CIITA: variants seen among roughly 807,000 people sequenced by gnomAD.
CIITA encodes class II major histocompatibility complex transactivator.
Under a neutral mutation model 115.1 loss-of-function variants are expected in CIITA, and 72 were observed. The observed-to-expected ratio is 0.63, with a 90% CI of 0.52 to 0.76. The LOEUF is 0.76. CIITA is among the 30% of genes least tolerant of loss of function. The pLI is 0.00. For synonymous variants in CIITA, 763 were observed against 635.6 expected, an observed-to-expected ratio of 1.20 and a Z score of -3.02; for missense variants, 1,617 against 1,463.8, an observed-to-expected ratio of 1.10 and a Z score of -1.71.
intron 10 of CIITA, 121 bp from the exon 11 acceptor site, chr16:10,906,378 C>G: frequency 8.0e-7 from 1 of 1,247,198 alleles, no homozygotes; most frequent in South Asian, 1.3e-5. Flanking sequence ...ACAAAACAAA[C>G]AAACAAAAAA....
intron 16 of CIITA, among the ~76,000 whole-genome samples, chr16:10,919,967 A>G (rs1376780730): frequency 6.6e-6 from 1 of 152,152 alleles, no homozygotes; most frequent in East Asian, 1.9e-4. Context: ...TTCCGTGGGA[A>G]GCTCTAGGGG....
chr16:10,916,345 C>A (rs751053541), intron 14 of CIITA, 22 bp from the exon 15 acceptor site: 6 of 1,610,978 alleles, frequency 3.7e-6, no homozygotes, highest in Admixed American at 1.7e-5. Flanking sequence ...AGCTGATGGC[C>A]CCCATCTGAT....
rs916121573 is a variant in CIITA at position 10,927,932 on chromosome 16, G to A, written c.*4077G>A. 6.6e-6 allele frequency: 1 copy of A among 152,202 alleles called. No homozygotes were observed. Among genetic ancestry groups the A allele is most frequent in the African/African-American group, 2.4e-5 (1 of 41,444 alleles). 9.4% of individuals were successfully genotyped at this position (152,202 alleles called of 1,614,324 possible). ...TCAGGGCATGATAGTGCAATTCCAT[G>A]TCCAGTGGATTGTAAGTCCACGCAC... On this transcript the variant is annotated 3_prime_UTR_variant, in exon 20 of 20. Coordinates refer to ENST00000324288, the MANE Select transcript of CIITA (RefSeq NM_000246.4).
chr16:10,902,171 C>G lies in CIITA; in HGVS notation c.615C>G (p.Thr205=). ...CCGGCCAGATGCGCCTGGAGAAAAC[C>G]GACCAGATTCCCAGTATGTTAGGGG... ...PASGQMRLEK[T]DQIPMPFSSS... The change falls in exon 7 of 20, where the codon ACC becomes ACG. Residue 205 remains threonine, a synonymous_variant. Coordinates refer to ENST00000324288, the MANE Select transcript of CIITA (RefSeq NM_000246.4). 6.2e-7 allele frequency: 1 copy of G among 1,614,122 alleles called. No individual in the cohort carries two copies. Among genetic ancestry groups the G allele is most frequent in the Non-Finnish European group, 8.5e-7 (1 of 1,180,020 alleles).
At chr16:10,893,317 G>A (rs1362835210) in intron 1 of CIITA, among the ~76,000 whole-genome samples, 2 of 152,080 alleles carry the variant, frequency 1.3e-5, no homozygotes, top group Non-Finnish European at 2.9e-5. Context: ...TGGAAACATG[G>A]ACCTGAACCA....
intron 15 of CIITA, chr16:10,916,684 C>A (rs1338960365): frequency 2.5e-5 from 14 of 569,856 alleles, no homozygotes; most frequent in South Asian, 9.7e-5. Context: ...ACTTACCATG[C>A]CCAGCCCCAG....
At chr16:10,874,537 C>A (rs928801033), upstream of CIITA, among the ~76,000 whole-genome samples, 3 of 152,242 alleles carry the variant, frequency 2.0e-5, no homozygotes, top group Non-Finnish European at 4.4e-5. Flanking sequence ...TACCCTGGTG[C>A]CTTCAGGTGC....
intron 13 of CIITA, chr16:10,913,306 T>G (rs2039712461): frequency 1.3e-5 from 2 of 152,468 alleles, no homozygotes; most frequent in African/African-American, 4.8e-5. Flanking sequence ...TCTTTCTTTC[T>G]TTTTCCTTTT....
chr16:10,914,938 C>T (rs550315037), intron 13 of CIITA: 23 of 374,634 alleles, frequency 6.1e-5, no homozygotes, highest in Middle Eastern at 3.7e-4. Flanking sequence ...CAGGCTGCGG[C>T]GGGAGAAGGG....
intron 1 of CIITA, among the ~76,000 whole-genome samples, chr16:10,886,309 T>C (rs2036946174): frequency 1.3e-5 from 2 of 152,176 alleles, no homozygotes; most frequent in Admixed American, 1.3e-4. Flanking sequence ...GCATTTGATC[T>C]TTGCTTCTAA....
At chr16:10,873,059 A>G (rs1262814796), upstream of CIITA, among the ~76,000 whole-genome samples, 1 of 152,144 alleles carries the variant, frequency 6.6e-6, no homozygotes, top group East Asian at 1.9e-4. Flanking sequence ...TACAGCCTCA[A>G]TCTCCTGGGC....
intron 1 of CIITA, among the ~76,000 whole-genome samples, chr16:10,869,738 C>T (rs1267893233): frequency 1.3e-5 from 2 of 152,120 alleles, no homozygotes; most frequent in African/African-American, 2.4e-5. Context: ...TGGTCTTGAA[C>T]TCCTGACATC....
At position 10,929,305 on chromosome 16, in the gene CIITA, G is replaced by A. The variant is rs770452606; in HGVS notation, c.*5450G>A. The A allele has an allele frequency of 4.2e-5, 41 of 985,828 alleles. No homozygotes were observed. In the East Asian group the frequency reaches 4.5e-4, roughly 11 times the overall value. The allele number at this position is 985,828 out of a possible 1,614,324, so 61.1% of individuals were successfully genotyped here. A position where few individuals can be genotyped will look rare whatever the true frequency, so the allele number is the denominator to read the frequency against. Reference sequence around the variant, plus strand: ...GAAGTGGGGGAAGCAGGTGCGCTCCGGGATGAAGTGCAGGGAGGCAAACTC... The same window carrying A: ...GAAGTGGGGGAAGCAGGTGCGCTCCAGGATGAAGTGCAGGGAGGCAAACTC... On this transcript the variant is annotated 3_prime_UTR_variant, in exon 20 of 20. Coordinates refer to ENST00000324288, the MANE Select transcript of CIITA (RefSeq NM_000246.4). This position sits in a 1 kb window ranked among gnomAD's most constrained non-coding sequence, Gnocchi z 4.3.
downstream of CIITA, chr16:10,936,422 C>T (rs1159851695): frequency 2.6e-5 from 4 of 152,116 alleles, no homozygotes; most frequent in Non-Finnish European, 5.9e-5. Context: ...TTTTCAAATG[C>T]TTATGAAAAT....
At chr16:10,891,990 C>T (rs2037636872) in intron 1 of CIITA, among the ~76,000 whole-genome samples, 2 of 152,100 alleles carry the variant, frequency 1.3e-5, no homozygotes, top group African/African-American at 4.8e-5. Flanking sequence ...CTGTGCTGAG[C>T]CTCTCCCCAG....
intron 11 of CIITA, chr16:10,908,816 C>T (rs999867292): frequency 2.2e-5 from 15 of 672,754 alleles, no homozygotes; most frequent in South Asian, 8.8e-5. Context: ...TCCTGGTAGC[C>T]GAAGCAAAAA....
Position 10,879,010 on chromosome 16 carries a change from C to A in CIITA, c.52+1628C>A. ...CAGAGCTGGCGGGAGGGAGAGGCCA[C>A]CAGCAGCGCGCGCGGGAGCCCGGGG... On this transcript the variant is annotated intron_variant, in intron 1 of 19. Transcript: ENST00000324288. The surrounding 1 kb of genome is among the most constrained non-coding windows in gnomAD (Gnocchi z 4.3). The A allele has an allele frequency of 4.5e-6, 1 of 220,118 alleles. No individual in the cohort carries two copies. The highest frequency in any genetic ancestry group is 9.1e-6 in the Non-Finnish European group (1 of 109,774). 13.6% of individuals were successfully genotyped at this position (220,118 alleles called of 1,614,324 possible).
At position 10,907,136 on chromosome 16, in the gene CIITA, GC is replaced by G; in HGVS notation, c.1648del (p.Arg550GlyfsTer8). On this transcript the variant is annotated frameshift_variant, in exon 11 of 20. Coordinates refer to ENST00000324288, the MANE Select transcript of CIITA (RefSeq NM_000246.4). LOFTEE classifies it high-confidence loss of function. The surrounding 1 kb of genome is among the most constrained non-coding windows in gnomAD (Gnocchi z 5.0). The stretch of plus-strand genomic sequence containing the variant: ...GTTGCACCCTCCTCCTCACAGCCCG[GC>G]CCCGGGGCCGCCTGGTCCAGAGCCT... The part of the protein sequence containing the change: ...RGCTLLLTAR[P>X]RGRLVQSLSK... 1 of 1,612,490 alleles carries G rather than the reference GC, an allele frequency of 6.2e-7. No homozygotes were observed. Among genetic ancestry groups the G allele is most frequent in the Non-Finnish European group, 8.5e-7 (1 of 1,179,794 alleles).
downstream of CIITA, chr16:10,939,061 A>C (rs2041066778): frequency 6.6e-6 from 1 of 152,244 alleles, no homozygotes; most frequent in Non-Finnish European, 1.5e-5. The surrounding 1 kb of genome is among the most constrained non-coding windows in gnomAD (Gnocchi z 4.9). Flanking sequence ...GCAGAAGAGC[A>C]GGCAGGGTCA....
Sources: gnomAD v4.1 joint callset for allele counts (sites outside exome capture counted in the v4.1 genomes callset) on GRCh38, gnomAD v4.1.1 for gene constraint, Gnocchi (gnomAD v3.1) non-coding constraint, MANE v1.5 for transcripts, NCBI Gene and HGNC (gene_info 2026-07-23, HGNC 2026-07-21) for gene names.